The following SHMT2 variants were observed in gnomAD, a reference collection of about 807,000 sequenced individuals.
The protein encoded by SHMT2 is serine hydroxymethyltransferase 2.
In SHMT2, 38 loss-of-function variants were observed where a neutral mutation model predicts 59.6. That is an observed-to-expected ratio of 0.64 (90% CI 0.49 to 0.84). The LOEUF (loss-of-function observed/expected upper bound fraction) is 0.84. Ranked by LOEUF, SHMT2 falls within the 40% of genes least tolerant of loss-of-function variation. The pLI is 0.00. For synonymous variants in SHMT2, 254 were observed against 258.1 expected (o/e 0.98, Z 0.15); for missense variants, 533 against 659.5 (o/e 0.81, Z 2.10).
chr12:57,231,836 A>C lies in SHMT2; in HGVS notation c.435A>C (p.Pro145=), dbSNP rs948427445. The C allele has an allele frequency of 7.4e-6, 12 of 1,614,016 alleles. No homozygotes were observed. Among genetic ancestry groups the C allele is most frequent in the Non-Finnish European group, 1.0e-5 (12 of 1,180,012 alleles). ...GVNVQPYSGS[P]ANLAVYTALL... ...ATGTCCAGCCCTACTCCGGGTCCCC[A>C]GCCAACCTGGCCGTCTACACAGCCC... is the stretch of plus-strand genomic sequence containing the variant. The change falls in exon 4 of 12, where the codon CCA becomes CCC. Residue 145 remains proline, a synonymous_variant. Coordinates refer to ENST00000328923, the MANE Select transcript of SHMT2 (RefSeq NM_005412.6).
Position 57,234,218 on chromosome 12 carries a change from C to T in SHMT2, c.1388-16C>T, listed in dbSNP as rs1188774955. Reference sequence around the variant, plus strand: ...CTAGAGCTCTGACCACTTGTTTCCTCACCCTCTCTCTCTAGCCAAGCTCCA... The same window carrying T: ...CTAGAGCTCTGACCACTTGTTTCCTTACCCTCTCTCTCTAGCCAAGCTCCA... On this transcript the variant is annotated splice_polypyrimidine_tract_variant and intron_variant, in intron 11 of 11. Coordinates refer to ENST00000328923, the MANE Select transcript of SHMT2 (RefSeq NM_005412.6). 1.2e-6 allele frequency: 2 copies of T among 1,611,298 alleles called. No homozygotes were observed. Among genetic ancestry groups the T allele is most frequent in the Non-Finnish European group, 1.7e-6 (2 of 1,178,104 alleles).
In SHMT2 at chr12:57,232,536, C is replaced by A; in HGVS notation, c.678C>A (p.Ser226Arg). The change falls in exon 6 of 12, where the codon AGC becomes AGA. Residue 226 changes from serine (S) to arginine (R), a missense_variant. By Grantham distance (110) the Ser-to-Arg change is moderately radical. Coordinates refer to ENST00000328923, the MANE Select transcript of SHMT2 (RefSeq NM_005412.6). ...FRPRLIIAGT[S>R]AYARLIDYAR... ...CACGGCTCATCATAGCTGGCACCAG[C>A]GCCTATGCTCGCCTCATTGACTACG... 6.2e-7 allele frequency: 1 copy of A among 1,614,200 alleles called. No individual in the cohort carries two copies. The highest frequency in any genetic ancestry group is 8.5e-7 in the Non-Finnish European group (1 of 1,180,008).
rs201418076 is a variant in SHMT2, at chr12:57,232,207, G to A, written c.513-4G>A. On this transcript the variant is annotated splice_polypyrimidine_tract_variant and splice_region_variant and intron_variant, in intron 4 of 11. Coordinates refer to ENST00000328923, the MANE Select transcript of SHMT2 (RefSeq NM_005412.6). ...AGGCCTTCTTACTTCCTCTCACTTC[G>A]CAGTCTCACCCACGGCTACATGTCT... 5.8e-5 allele frequency: 93 copies of A among 1,613,874 alleles called. 1 individual carries two copies. The highest frequency in any genetic ancestry group is 2.9e-4 in the African/African-American group (22 of 75,014).
At chr12:57,230,012 C>T in intron 1 of SHMT2, 5 of 1,429,866 alleles carry the variant, frequency 3.5e-6, no homozygotes, top group South Asian at 1.5e-5. Context: ...CTCATTCTGG[C>T]GATCAGACGC....
intron 1 of SHMT2, 88 bp downstream of exon 1, chr12:57,229,899 C>G: frequency 1.3e-6 from 2 of 1,572,370 alleles, no homozygotes; most frequent in Non-Finnish European, 1.7e-6. Context: ...CTGGGGTTCT[C>G]TTGGCTTTTC....
At position 57,234,457 on chromosome 12, in the gene SHMT2, G is replaced by A. The variant is rs2037471463; in HGVS notation, c.*96G>A. On this transcript the variant is annotated 3_prime_UTR_variant, in exon 12 of 12. Transcript: ENST00000328923. ...AAAGCCTTTCTATTTTTTGGTGCGGGAGGGAAGACCTCTCACTTAGGGCAA... is the reference window on the plus strand; with the variant it reads ...AAAGCCTTTCTATTTTTTGGTGCGGAAGGGAAGACCTCTCACTTAGGGCAA... The A allele has an allele frequency of 7.2e-7, 1 of 1,395,364 alleles. No homozygotes were observed. The allele number at this position is 1,395,364 out of a possible 1,614,324, so 86.4% of individuals were successfully genotyped here.
chr12:57,230,214 C>T lies in SHMT2; in HGVS notation c.33+403C>T, dbSNP rs146971165. Reference sequence around the variant, plus strand: ...TGCTTGCATCAGGCAGGGGTCCCGGCGGCAGTGAGGGCTGGAAGGAGGTGG... The same window carrying T: ...TGCTTGCATCAGGCAGGGGTCCCGGTGGCAGTGAGGGCTGGAAGGAGGTGG... On this transcript the variant is annotated intron_variant, in intron 1 of 11. Transcript: ENST00000328923. 286 of 1,263,328 alleles carry T rather than the reference C, an allele frequency of 2.3e-4. 1 individual carries two copies. In the African/African-American group the frequency reaches 3.8e-3, roughly 17 times the overall value. 78.3% of individuals were successfully genotyped at this position (1,263,328 alleles called of 1,614,324 possible). A position where few individuals can be genotyped will look rare whatever the true frequency, so the allele number is the denominator to read the frequency against.
At chr12:57,231,162 C>T (rs1419164916) in intron 2 of SHMT2, 162 bp downstream of exon 2, 10 of 735,626 alleles carry the variant, frequency 1.4e-5, no homozygotes, top group Non-Finnish European at 2.0e-5. Flanking sequence ...AGTGCAAGTC[C>T]AGTTTATGGG....
chr12:57,232,897 G>T, intron 7 of SHMT2, 54 bp downstream of exon 7: 1 of 1,579,120 alleles, frequency 6.3e-7, no homozygotes, highest in Non-Finnish European at 8.7e-7. Context: ...GCCTATTCCT[G>T]GGGCACTGTT....
chr12:57,234,619 C>T lies in SHMT2; in HGVS notation c.*258C>T, dbSNP rs577090328. 1.0e-4 allele frequency: 31 copies of T among 311,518 alleles called. No homozygotes were observed. The highest frequency in any genetic ancestry group is 1.5e-4 in the Non-Finnish European group (25 of 172,336). 19.3% of individuals were successfully genotyped at this position (311,518 alleles called of 1,614,324 possible). Reference sequence around the variant, plus strand: ...CCTGTCATGATCACAGTGTCAGAGACGCGTCCTCTTTCTTGGGGAAGTTGA... The same window carrying T: ...CCTGTCATGATCACAGTGTCAGAGATGCGTCCTCTTTCTTGGGGAAGTTGA... On this transcript the variant is annotated 3_prime_UTR_variant, in exon 12 of 12. Transcript: ENST00000328923.
intron 1 of SHMT2, 56 bp downstream of exon 1, chr12:57,229,867 C>T: frequency 5.0e-6 from 8 of 1,605,482 alleles, no homozygotes; most frequent in Non-Finnish European, 6.8e-6. Context: ...TCTTCTCCTA[C>T]CTTAGTTCCT....
chr12:57,233,933 G>T, intron 10 of SHMT2, 29 bp downstream of exon 10: 3 of 1,614,132 alleles, frequency 1.9e-6, no homozygotes, highest in Non-Finnish European at 2.5e-6. Context: ...GGAGGGAAGG[G>T]GCTCCCATGC....
At chr12:57,231,275 G>A (rs897821312) in intron 2 of SHMT2, 3 of 630,038 alleles carry the variant, frequency 4.8e-6, no homozygotes, top group Admixed American at 2.9e-5. Context: ...AAGTTTGAGT[G>A]GGTAGGTGGC....
At chr12:57,230,699 G>A in intron 1 of SHMT2, 104 bp from the exon 2 acceptor site, 1 of 1,501,612 alleles carries the variant, frequency 6.7e-7, no homozygotes, top group Non-Finnish European at 8.9e-7. Context: ...CAGGCTGGCT[G>A]GACAACTGGC....
In SHMT2 at chr12:57,231,576, C is replaced by T; in HGVS notation, c.311+16C>T. On this transcript the variant is annotated intron_variant, in intron 3 of 11. Coordinates refer to ENST00000328923, the MANE Select transcript of SHMT2 (RefSeq NM_005412.6). ...CTGGCAAGAGGTGAGGGCTGGAGGGCAGTGTCAGGGATGGTGCTCCCAGTG... is the reference window on the plus strand; with the variant it reads ...CTGGCAAGAGGTGAGGGCTGGAGGGTAGTGTCAGGGATGGTGCTCCCAGTG... 1 of 1,613,962 alleles carries T rather than the reference C, an allele frequency of 6.2e-7. No homozygotes were observed. Among genetic ancestry groups the T allele is most frequent in the Non-Finnish European group, 8.5e-7 (1 of 1,179,846 alleles).
At chr12:57,229,993 G>C in intron 1 of SHMT2, 182 bp downstream of exon 1, 5 of 1,441,012 alleles carry the variant, frequency 3.5e-6, no homozygotes, top group Non-Finnish European at 4.6e-6. Flanking sequence ...AGTTAACTGC[G>C]AGCCTGTCCT....
At position 57,232,862 on chromosome 12, in the gene SHMT2, G is replaced by A. The variant is rs777875446; in HGVS notation, c.857+19G>A. 1.0e-5 allele frequency: 16 copies of A among 1,596,454 alleles called. No individual in the cohort carries two copies. In the Admixed American group the frequency reaches 1.2e-4, roughly 12 times the overall value. ...GGGCCAGGTCAGGCTCCCTGAGGTC[G>A]GGCCTTGCCTTTCCCTGCCTTCAGG... On this transcript the variant is annotated intron_variant, in intron 7 of 11. Coordinates refer to ENST00000328923, the MANE Select transcript of SHMT2 (RefSeq NM_005412.6).
intron 1 of SHMT2, chr12:57,230,076 C>A: frequency 1.4e-6 from 2 of 1,384,270 alleles, no homozygotes; most frequent in East Asian, 5.6e-5. Flanking sequence ...AGGACAGCCC[C>A]GGATGCCCCG....
Position 57,234,021 on chromosome 12 carries a change from C to G in SHMT2, c.1298C>G (p.Ser433Cys). 2 of 1,614,226 alleles carry G rather than the reference C, an allele frequency of 1.2e-6. No homozygotes were observed. The highest frequency in any genetic ancestry group is 8.5e-7 in the Non-Finnish European group (1 of 1,180,046). The change falls in exon 11 of 12, where the codon TCT becomes TGT. Residue 433 changes from serine (S) to cysteine (C), a missense_variant. Physicochemically the swap from Ser to Cys is moderately radical, Grantham distance 112. Transcript: ENST00000328923. ...GLRLGAPALT[S>C]RQFREDDFRR... ...GTTCCAGGGGCCCCAGCCTTAACTT[C>G]TCGACAGTTCCGTGAGGATGACTTC...
Sources: allele counts gnomAD v4.1 joint callset, GRCh38; gene constraint gnomAD v4.1.1; transcripts MANE v1.5; gene names NCBI Gene and HGNC (gene_info 2026-07-23, HGNC 2026-07-21).